The following EEIG2 variants were observed in gnomAD, a reference collection of about 807,000 sequenced individuals.
EEIG2 encodes the protein family with sequence similarity 102 member B.
chr1:108,564,143 C>A, the EEIG2 span, among the ~76,000 whole-genome samples: 12 of 152,188 alleles, frequency 7.9e-5, no homozygotes, highest in African/African-American at 2.9e-4. Context: ...ATGAGAGTTG[C>A]TTTCTACTGC....
At chr1:108,621,563 G>A in the EEIG2 span, among the ~76,000 whole-genome samples, 1 of 152,158 alleles carries the variant, frequency 6.6e-6, no homozygotes, top group Non-Finnish European at 1.5e-5. Flanking sequence ...GAGTCAGGCT[G>A]GAAGGGAGAA....
chr1:108,623,979 T>G, the EEIG2 span, among the ~76,000 whole-genome samples: 1 of 151,914 alleles, frequency 6.6e-6, no homozygotes, highest in Non-Finnish European at 1.5e-5. Flanking sequence ...GCCAAAAATT[T>G]TTAAAGAAAA....
the EEIG2 span, among the ~76,000 whole-genome samples, chr1:108,592,568 G>T: frequency 6.6e-6 from 1 of 152,102 alleles, no homozygotes; most frequent in East Asian, 1.9e-4. Context: ...CTATGTGTTC[G>T]GATAGGGGCT....
chr1:108,601,115 A>T, the EEIG2 span, among the ~76,000 whole-genome samples: 1 of 152,176 alleles, frequency 6.6e-6, no homozygotes, highest in African/African-American at 2.4e-5. Context: ...TACATAGTTA[A>T]TAAATGGCAA....
the EEIG2 span, chr1:108,626,715 A>G: frequency 6.6e-6 from 1 of 152,242 alleles, no homozygotes; most frequent in African/African-American, 2.4e-5. Context: ...GTTCTTCATC[A>G]ACAGGCATCT....
chr1:108,613,053 A>G, the EEIG2 span, among the ~76,000 whole-genome samples: 1 of 152,234 alleles, frequency 6.6e-6, no homozygotes, highest in African/African-American at 2.4e-5. Flanking sequence ...TAAAATGGTT[A>G]TTATGGCCAG....
At chr1:108,615,621 A>AT in the EEIG2 span, among the ~76,000 whole-genome samples, 47 of 151,956 alleles carry the variant, frequency 3.1e-4, no homozygotes, top group East Asian at 3.9e-3. Context: ...CAAAAAAAAA[A>AT]GAAAAAGGAA....
At chr1:108,560,361 G>A in the EEIG2 span, 1 of 1,399,826 alleles carries the variant, frequency 7.1e-7, no homozygotes, top group Non-Finnish European at 9.4e-7. Context: ...GGGCTGATCC[G>A]GGGCTCGGCC....
At chr1:108,628,848 T>G in the EEIG2 span, 5 of 1,581,838 alleles carry the variant, frequency 3.2e-6, no homozygotes, top group Non-Finnish European at 4.3e-6. Flanking sequence ...AATCCAGGTT[T>G]TTGTAATCTG....
the EEIG2 span, among the ~76,000 whole-genome samples, chr1:108,562,304 A>G: frequency 3.9e-5 from 6 of 152,208 alleles, no homozygotes; most frequent in Non-Finnish European, 8.8e-5. Flanking sequence ...AATGACTTTA[A>G]TGAGCAAGGG....
the EEIG2 span, among the ~76,000 whole-genome samples, chr1:108,563,888 AAG>A: frequency 1.3e-5 from 2 of 152,194 alleles, no homozygotes; most frequent in Admixed American, 6.5e-5. Context: ...TCTAAAGCAA[AAG>A]AGTTAATTTA....
At chr1:108,573,961 A>G in the EEIG2 span, among the ~76,000 whole-genome samples, 2 of 152,258 alleles carry the variant, frequency 1.3e-5, no homozygotes, top group Non-Finnish European at 2.9e-5. Flanking sequence ...GGCAGCCCCT[A>G]TGGAAAACAG....
chr1:108,613,251 A>C, the EEIG2 span, among the ~76,000 whole-genome samples: 1 of 152,200 alleles, frequency 6.6e-6, no homozygotes, highest in South Asian at 2.1e-4. Context: ...AACTCTAAAA[A>C]GTTTTCAAAG....
chr1:108,610,712 C>G, the EEIG2 span, among the ~76,000 whole-genome samples: 1 of 152,046 alleles, frequency 6.6e-6, no homozygotes, highest in East Asian at 1.9e-4. Context: ...AGGCGGATCA[C>G]GAGGTCAGGA....
chr1:108,624,031 A>G, the EEIG2 span, among the ~76,000 whole-genome samples: 1 of 152,172 alleles, frequency 6.6e-6, no homozygotes, highest in African/African-American at 2.4e-5. Flanking sequence ...CTTGCTTCAC[A>G]GCTTTTACGT....
the EEIG2 span, among the ~76,000 whole-genome samples, chr1:108,612,524 A>G: frequency 6.6e-6 from 1 of 152,236 alleles, no homozygotes; most frequent in Admixed American, 6.5e-5. Flanking sequence ...ACGTTTGAGC[A>G]TTCAGAGAAT....
chr1:108,564,085 G>A, the EEIG2 span, among the ~76,000 whole-genome samples: 1 of 152,170 alleles, frequency 6.6e-6, no homozygotes, highest in Admixed American at 6.5e-5. Flanking sequence ...ATTAGAGAAA[G>A]ACTTTGAATA....
At chr1:108,571,435 G>T in the EEIG2 span, among the ~76,000 whole-genome samples, 3 of 152,170 alleles carry the variant, frequency 2.0e-5, no homozygotes, top group African/African-American at 7.2e-5. Flanking sequence ...TAGAACAGAG[G>T]TTTCAGGTGG....
At chr1:108,571,112 A>G in the EEIG2 span, among the ~76,000 whole-genome samples, 1 of 152,180 alleles carries the variant, frequency 6.6e-6, no homozygotes, top group Non-Finnish European at 1.5e-5. Context: ...GTTGGAGTGA[A>G]GAGAGAAAAA....
Sources: gnomAD v4.1 joint callset for allele counts (sites outside exome capture counted in the v4.1 genomes callset) on GRCh38, gnomAD v4.1.1 for gene constraint, MANE v1.5 for transcripts, NCBI Gene and HGNC (gene_info 2026-07-23, HGNC 2026-07-21) for gene names.